Variants in HMGXB4 observed in about 807,000 individuals in gnomAD.
HMGXB4 encodes HMG-box containing 4.
In HMGXB4, 27 loss-of-function variants were observed where a neutral mutation model predicts 63.9. The observed-to-expected ratio is 0.42, with a 90% CI of 0.31 to 0.58. The LOEUF is 0.58. HMGXB4 is among the 20% of genes least tolerant of loss of function. HMGXB4 has a pLI of 0.13. For synonymous variants in HMGXB4, 264 were observed against 265.3 expected, an observed-to-expected ratio of 0.99 and a Z score of 0.05; for missense variants, 624 against 700.7, an observed-to-expected ratio of 0.89 and a Z score of 1.24.
chr22:35,284,121 T>C, intron 6 of HMGXB4, 78 bp downstream of exon 6: 1 of 992,314 alleles, frequency 1.0e-6, no homozygotes, highest in Admixed American at 1.8e-5. Flanking sequence ...CTTCTTCCTG[T>C]AGCATTAGAG....
chr22:35,288,723 C>T (rs186720713), intron 9 of HMGXB4, among the ~76,000 whole-genome samples: 24 of 151,628 alleles, frequency 1.6e-4, no homozygotes, highest in East Asian at 1.2e-3. Context: ...CAGTGGCTCA[C>T]GCCTGTAATG....
chr22:35,269,938 A>C (rs1923497267), intron 5 of HMGXB4, among the ~76,000 whole-genome samples: 1 of 152,150 alleles, frequency 6.6e-6, no homozygotes. Context: ...TGATTGTGCC[A>C]CTGCACTCTA....
Position 35,258,896 on chromosome 22 carries a change from C to A in HMGXB4, c.-69+1339C>A, listed in dbSNP as rs183496704. Among the ~76,000 whole-genome samples the A allele has an allele frequency of 1.2e-4, 18 of 152,260 alleles. No individual in the cohort carries two copies. The East Asian group carries it at 3.1e-3, about 26-fold the overall frequency. On this transcript the variant is annotated intron_variant, in intron 1 of 10. Transcript: ENST00000216106. ...CTTACTGTCCGTGTGACGGGGCTTA[C>A]TTTGTTTCCTTTTTTTCGATACTCA...
intron 6 of HMGXB4, among the ~76,000 whole-genome samples, chr22:35,285,632 G>A (rs1924527580): frequency 6.6e-6 from 1 of 152,226 alleles, no homozygotes; most frequent in Non-Finnish European, 1.5e-5. Flanking sequence ...AGGCAGAGGT[G>A]AGAGGGTGGT....
chr22:35,272,249 A>G (rs1159772227), intron 5 of HMGXB4, among the ~76,000 whole-genome samples: 1 of 152,174 alleles, frequency 6.6e-6, no homozygotes, highest in Non-Finnish European at 1.5e-5. Context: ...TAGAGAGGCC[A>G]AGGAGTTCAA....
At position 35,265,502 on chromosome 22, in the gene HMGXB4, G is replaced by A. The variant is rs757738800; in HGVS notation, c.1114G>A (p.Ala372Thr). The change falls in exon 5 of 11, where the codon GCA (alanine) becomes ACA (threonine). Residue 372 changes from alanine to threonine, a missense_variant. Transcript: ENST00000216106. ...TCCCAGCATCCCATACGCTGGAGCA[G>A]CAGCACCTCCCCTGCCACTTCCTGG... is the stretch of plus-strand genomic sequence containing the variant. ...PPPSIPYAGA[A>T]APPLPLPGLH... 3 of 1,613,756 alleles carry A rather than the reference G, an allele frequency of 1.9e-6. No individual in the cohort carries two copies. Among genetic ancestry groups the A allele is most frequent in the Middle Eastern group, 1.7e-4 (1 of 6,056 alleles).
At chr22:35,284,833 C>T (rs1924466337) in intron 6 of HMGXB4, among the ~76,000 whole-genome samples, 1 of 152,158 alleles carries the variant, frequency 6.6e-6, no homozygotes, top group South Asian at 2.1e-4. Flanking sequence ...GTCACTTAAC[C>T]GCTACAAATT....
intron 5 of HMGXB4, among the ~76,000 whole-genome samples, chr22:35,283,525 C>G (rs2145563297): frequency 6.6e-6 from 1 of 152,302 alleles, no homozygotes; most frequent in East Asian, 1.9e-4. Flanking sequence ...CATGGTGGCT[C>G]AAGCCTGTAA....
chr22:35,266,780 C>T (rs192287622), intron 5 of HMGXB4, among the ~76,000 whole-genome samples: 47 of 152,160 alleles, frequency 3.1e-4, no homozygotes, highest in African/African-American at 1.1e-3. Context: ...CCCAAGAGTT[C>T]GGGACCGGCC....
rs772656699 is a variant in HMGXB4, at chr22:35,265,593, G to C, written c.1205G>C (p.Arg402Thr). 2.1e-5 allele frequency: 33 copies of C among 1,576,354 alleles called. No homozygotes were observed. In the South Asian group the frequency reaches 3.7e-4, roughly 18 times the overall value. Residue 402 changes from arginine (R) to threonine (T), a missense_variant, in exon 5 of 11, where the codon AGA (arginine) becomes ACA (threonine). This residue lies in a region of HMGXB4 where 472 missense variants were observed against 470.6 expected (regional missense o/e 1.00). Coordinates refer to ENST00000216106, the MANE Select transcript of HMGXB4 (RefSeq NM_001003681.3). ...GAAGAGAAGGACAAAGAGAGAGAGA[G>C]AGGAGAAAAGGTAAAGCATCTTTTA... Reference protein sequence around the residue: ...KKEEKDKERERGEKPKKKNMS... With the variant: ...KKEEKDKERETGEKPKKKNMS...
At position 35,262,960 on chromosome 22, in the gene HMGXB4, G is replaced by C. The variant is rs940313761; in HGVS notation, c.32-118G>C. The C allele has an allele frequency of 5.2e-6, 5 of 965,728 alleles. No individual in the cohort carries two copies. In the African/African-American group the frequency reaches 8.2e-5, roughly 16 times the overall value. The allele number at this position is 965,728 out of a possible 1,614,324, so 59.8% of individuals were successfully genotyped here. On this transcript the variant is annotated intron_variant, in intron 2 of 10. Coordinates refer to ENST00000216106, the MANE Select transcript of HMGXB4 (RefSeq NM_001003681.3). ...TCTAGCCCTGTATTTCAGTGGACTT[G>C]ATTGAAACATTGTTTTAATTTGGAA...
chr22:35,266,673 G>A (rs934613377), intron 5 of HMGXB4, among the ~76,000 whole-genome samples: 1 of 152,154 alleles, frequency 6.6e-6, no homozygotes, highest in African/African-American at 2.4e-5. Flanking sequence ...GACTAAGAAC[G>A]AGAAAATCAA....
intron 5 of HMGXB4, among the ~76,000 whole-genome samples, chr22:35,267,183 T>TATAC (rs1175957240): frequency 2.7e-5 from 4 of 148,510 alleles, no homozygotes; most frequent in Non-Finnish European, 3.0e-5. Flanking sequence ...ATTATATATA[T>TATAC]ATACACACAC....
At chr22:35,282,281 A>G (rs1484734318) in intron 5 of HMGXB4, among the ~76,000 whole-genome samples, 1 of 152,196 alleles carries the variant, frequency 6.6e-6, no homozygotes, top group African/African-American at 2.4e-5. Context: ...GGTTCACACC[A>G]TTCTCCTGCC....
At chr22:35,265,637 G>A in intron 5 of HMGXB4, 34 bp downstream of exon 5, 1 of 1,490,668 alleles carries the variant, frequency 6.7e-7, no homozygotes, top group Non-Finnish European at 8.9e-7. Context: ...GGGGGTAAGA[G>A]ATTAAGCAGG....
intron 2 of HMGXB4, chr22:35,262,728 G>A (rs1284218012): frequency 3.9e-6 from 2 of 517,002 alleles, no homozygotes; most frequent in Non-Finnish European, 6.9e-6. Context: ...ATCACATCCT[G>A]GACTCCCACA....
chr22:35,263,673 A>C (rs905010791), intron 3 of HMGXB4, 123 bp from the exon 4 acceptor site: 1 of 689,440 alleles, frequency 1.5e-6, no homozygotes. Flanking sequence ...AACGTTATGC[A>C]CATCTATTTT....
the HMGXB4 span, among the ~76,000 whole-genome samples, chr22:35,244,835 T>C: frequency 6.6e-6 from 1 of 152,208 alleles, no homozygotes; most frequent in Admixed American, 6.5e-5. Flanking sequence ...GTCTCCTTTG[T>C]TCAGTATACT....
In HMGXB4 at chr22:35,286,021, T is replaced by A. The variant is rs1425245313; in HGVS notation, c.1322T>A (p.Leu441Gln). ...GIDFGELSKKLAEVWKQLPEK... is the reference protein window; with the variant it reads ...GIDFGELSKKQAEVWKQLPEK... Reference sequence around the variant, plus strand: ...GATTTTGGGGAACTTAGTAAAAAACTGGCTGAGGTGTGGAAGCAATTACCA... The same window carrying A: ...GATTTTGGGGAACTTAGTAAAAAACAGGCTGAGGTGTGGAAGCAATTACCA... Residue 441 changes from leucine to glutamine, a missense_variant, in exon 7 of 11, where the codon CTG (leucine) becomes CAG (glutamine). Transcript: ENST00000216106. The A allele has an allele frequency of 6.2e-7, 1 of 1,610,918 alleles. No individual in the cohort carries two copies.
Sources: allele counts gnomAD v4.1 joint callset (sites outside exome capture counted in the v4.1 genomes callset), GRCh38; gene constraint gnomAD v4.1.1; regional missense constraint gnomAD v4.1.1; transcripts MANE v1.5; gene names NCBI Gene and HGNC (gene_info 2026-07-23, HGNC 2026-07-21).